The following SORCS2 variants were observed in gnomAD, a reference collection of about 807,000 sequenced individuals.
SORCS2 encodes the protein VPS10 domain-containing receptor SorCS2.
In SORCS2, 100 loss-of-function variants were observed where a neutral mutation model predicts 141.6. That is an observed-to-expected ratio of 0.71 (90% CI 0.60 to 0.83). SORCS2 has a LOEUF of 0.83. Ranked by LOEUF, SORCS2 falls within the 40% of genes least tolerant of loss-of-function variation. The pLI is 0.00. For missense variants in SORCS2, 1,646 were observed against 1,560.2 expected, an observed-to-expected ratio of 1.05 and a Z score of -0.93; for synonymous variants, 789 against 676.9, an observed-to-expected ratio of 1.17 and a Z score of -2.57.
intron 12 of SORCS2, among the ~76,000 whole-genome samples, chr4:7,700,769 G>A (rs1725016254): frequency 6.6e-6 from 1 of 152,152 alleles, no homozygotes; most frequent in African/African-American, 2.4e-5. Flanking sequence ...GGACATCTGG[G>A]GAGCCCCCAG....
chr4:7,480,140 G>A (rs1159738843), intron 2 of SORCS2, among the ~76,000 whole-genome samples: 1 of 152,208 alleles, frequency 6.6e-6, no homozygotes, highest in Non-Finnish European at 1.5e-5. Context: ...GAGTGGAGCG[G>A]CTGTGGCTCA....
chr4:7,594,191 G>T (rs1036778329), intron 3 of SORCS2, among the ~76,000 whole-genome samples: 1 of 152,194 alleles, frequency 6.6e-6, no homozygotes, highest in Non-Finnish European at 1.5e-5. Flanking sequence ...GCTGCCTCGG[G>T]AAGTGCTCTG....
At chr4:7,592,386 C>T (rs566668633) in intron 3 of SORCS2, among the ~76,000 whole-genome samples, 2 of 152,322 alleles carry the variant, frequency 1.3e-5, no homozygotes, top group Admixed American at 1.3e-4. Flanking sequence ...TTGGTGTCCT[C>T]ATTCAAGAAA....
chr4:7,639,413 AGT>A lies in SORCS2; in HGVS notation c.813+932_813+933del, dbSNP rs201707420. On this transcript the variant is annotated intron_variant, in intron 4 of 26. Transcript: ENST00000507866. ...CCATCTCCATGCTGCCTACTGCATA[AGT>A]GTGTGTGTGTATGCACACTTGTAAG... is the stretch of plus-strand genomic sequence containing the variant. Among the ~76,000 whole-genome samples the A allele has an allele frequency of 4.1e-4, 48 of 116,974 alleles. 2 individuals are homozygous for A. In the South Asian group the frequency reaches 7.1e-3, roughly 17 times the overall value. The allele number at this position is 116,974 out of a possible 152,430, so 76.7% of individuals were successfully genotyped here.
intron 1 of SORCS2, among the ~76,000 whole-genome samples, chr4:7,295,913 C>A (rs991166585): frequency 1.3e-5 from 2 of 152,242 alleles, no homozygotes; most frequent in Non-Finnish European, 2.9e-5. Context: ...GGCTGCTTTC[C>A]CATGGCTGGG....
intron 3 of SORCS2, among the ~76,000 whole-genome samples, chr4:7,597,654 AG>A (rs1717369984): frequency 1.3e-5 from 1 of 77,266 alleles, no homozygotes; most frequent in Non-Finnish European, 2.5e-5. Context: ...TTGTAATGGG[AG>A]GGGGCTCTGC....
rs1045271365 is a variant in SORCS2, at chr4:7,648,931, C to T, written c.814-5203C>T. On this transcript the variant is annotated intron_variant, in intron 4 of 26. Transcript: ENST00000507866. The surrounding 1 kb of genome is among the most constrained non-coding windows in gnomAD (Gnocchi z 4.2). Reference sequence around the variant, plus strand: ...GAGGCCAGAGAACCAGAGTTCTGAGCGTAGCATGAGGGGACACGCCTGGGG... The same window carrying T: ...GAGGCCAGAGAACCAGAGTTCTGAGTGTAGCATGAGGGGACACGCCTGGGG... Among the ~76,000 whole-genome samples, 4 of 152,134 alleles carry T rather than the reference C, an allele frequency of 2.6e-5. No individual in the cohort carries two copies. The highest frequency in any genetic ancestry group is 1.9e-4 in the East Asian group (1 of 5,186).
At chr4:7,646,530 C>G (rs1271249018) in intron 4 of SORCS2, among the ~76,000 whole-genome samples, 1 of 152,102 alleles carries the variant, frequency 6.6e-6, no homozygotes. Flanking sequence ...CTGATACTCC[C>G]AGGCAGGAGG....
intron 3 of SORCS2, among the ~76,000 whole-genome samples, chr4:7,606,792 A>G (rs1160355700): frequency 6.6e-6 from 1 of 152,066 alleles, no homozygotes; most frequent in Non-Finnish European, 1.5e-5. Flanking sequence ...TCAGGAAGCA[A>G]GGGCAGAGCC....
chr4:7,394,653 T>C (rs974926345), intron 1 of SORCS2, among the ~76,000 whole-genome samples: 2 of 152,068 alleles, frequency 1.3e-5, no homozygotes, highest in Admixed American at 6.5e-5. Context: ...GCAGTCTTGC[T>C]GGGTGATTGG....
intron 1 of SORCS2, among the ~76,000 whole-genome samples, chr4:7,245,145 C>T (rs371130813): frequency 2.0e-5 from 3 of 152,306 alleles, no homozygotes; most frequent in Admixed American, 1.3e-4. Context: ...TCCCCCTTCC[C>T]CCTGGAAGCT....
At chr4:7,534,593 A>C (rs1711955599) in intron 3 of SORCS2, among the ~76,000 whole-genome samples, 2 of 152,238 alleles carry the variant, frequency 1.3e-5, no homozygotes, top group South Asian at 4.1e-4. Flanking sequence ...GGATCAGCTC[A>C]GTGTCATCAC....
intron 2 of SORCS2, among the ~76,000 whole-genome samples, chr4:7,485,709 C>G (rs1480937896): frequency 6.6e-6 from 1 of 152,224 alleles, no homozygotes; most frequent in Non-Finnish European, 1.5e-5. Flanking sequence ...CCTGGCACCC[C>G]TAGAAGGGCA....
At chr4:7,631,492 G>A (rs1012921896) in intron 3 of SORCS2, among the ~76,000 whole-genome samples, 1 of 152,096 alleles carries the variant, frequency 6.6e-6, no homozygotes, top group Admixed American at 6.5e-5. Flanking sequence ...CCCACCCTGT[G>A]TGAGCTGTGT....
chr4:7,597,918 A>G (rs1560415071), intron 3 of SORCS2, among the ~76,000 whole-genome samples: 1 of 149,442 alleles, frequency 6.7e-6, no homozygotes, highest in Admixed American at 6.7e-5. Context: ...TGAGGAGGGG[A>G]ACTGGTGTCC....
At position 7,624,550 on chromosome 4, in the gene SORCS2, G is replaced by A. The variant is rs1043228459; in HGVS notation, c.649-13778G>A. The stretch of plus-strand genomic sequence containing the variant: ...CTTAGGAGATTCCACAGTTATTTCC[G>A]AAAGCTGTCATCTTCACCCAGGAGG... On this transcript the variant is annotated intron_variant, in intron 3 of 26. Coordinates refer to ENST00000507866, the MANE Select transcript of SORCS2 (RefSeq NM_020777.3). Among the ~76,000 whole-genome samples, 16 of 152,260 alleles carry A rather than the reference G, an allele frequency of 1.1e-4. No homozygotes were observed. In the East Asian group the frequency reaches 2.1e-3, roughly 20 times the overall value.
intron 2 of SORCS2, among the ~76,000 whole-genome samples, chr4:7,499,533 G>C (rs1731831272): frequency 1.3e-5 from 2 of 152,116 alleles, no homozygotes; most frequent in African/African-American, 4.8e-5. Context: ...ATAGTTTTGA[G>C]AGGAGGATCG....
At chr4:7,476,661 C>T (rs1730315319) in intron 2 of SORCS2, among the ~76,000 whole-genome samples, 1 of 152,162 alleles carries the variant, frequency 6.6e-6, no homozygotes, top group South Asian at 2.1e-4. Flanking sequence ...GGCCAGCAGT[C>T]CCCAAGTCAG....
chr4:7,238,093 A>G (rs1182857165), intron 1 of SORCS2, among the ~76,000 whole-genome samples: 4 of 152,178 alleles, frequency 2.6e-5, no homozygotes, highest in Admixed American at 6.5e-5. Context: ...GGGAGACAGC[A>G]TTCTATTTGA....
Sources: gnomAD v4.1 joint callset for allele counts (sites outside exome capture counted in the v4.1 genomes callset) on GRCh38, gnomAD v4.1.1 for gene constraint, Gnocchi (gnomAD v3.1) non-coding constraint, MANE v1.5 for transcripts, NCBI Gene and HGNC (gene_info 2026-07-23, HGNC 2026-07-21) for gene names.